GDNF: variants seen among roughly 807,000 people sequenced by gnomAD.
GDNF encodes the protein glial cell derived neurotrophic factor, also known as glial cell line-derived neurotrophic factor.
GDNF carries 5 observed loss-of-function variants against 13.7 expected under a neutral mutation model. The observed-to-expected ratio is 0.36, with a 90% CI of 0.19 to 0.77. The LOEUF (loss-of-function observed/expected upper bound fraction) is 0.77, where lower values mean the gene tolerates loss of function less well. GDNF is among the 30% of genes least tolerant of loss of function. The probability of loss-of-function intolerance (pLI) is 0.51; values close to 1 mark genes in which losing one functional copy is unlikely to be tolerated. For missense variants in GDNF, 246 were observed against 274.3 expected, an observed-to-expected ratio of 0.90 and a Z score of 0.73; for synonymous variants, 122 against 112.5, an observed-to-expected ratio of 1.08 and a Z score of -0.53.
intron 2 of GDNF, among the ~76,000 whole-genome samples, chr5:37,825,093 CT>C (rs1184730333): frequency 6.6e-6 from 1 of 152,156 alleles, no homozygotes; most frequent in Non-Finnish European, 1.5e-5. Flanking sequence ...AAAATGCCAT[CT>C]TATTTACCAT....
At position 37,834,691 on chromosome 5, in the gene GDNF, G is replaced by A. The variant is rs1480928476; in HGVS notation, c.106C>T (p.Arg36Cys). The change falls in exon 2 of 3, where the codon CGC (arginine) becomes TGC (cysteine). Residue 36 changes from arginine (R) to cysteine (C), a missense_variant. Arg to Cys is a radical substitution (Grantham distance 180). Coordinates refer to ENST00000326524, the MANE Select transcript of GDNF (RefSeq NM_000514.4). ...KRPPEAPAED[R>C]SLGRRRAPFA... Reference sequence around the variant, plus strand: ...GGCGCGCGGCGGCGGCCGAGGGAGCGGTCTTCGGCGGGCGCCTCGGGAGGC... The same window carrying A: ...GGCGCGCGGCGGCGGCCGAGGGAGCAGTCTTCGGCGGGCGCCTCGGGAGGC... 7 of 1,608,724 alleles carry A rather than the reference G, an allele frequency of 4.4e-6. No individual in the cohort carries two copies. Among genetic ancestry groups the A allele is most frequent in the African/African-American group, 1.3e-5 (1 of 74,584 alleles).
intron 2 of GDNF, among the ~76,000 whole-genome samples, chr5:37,827,207 T>TAA (rs1322704995): frequency 2.6e-5 from 4 of 151,530 alleles, no homozygotes; most frequent in African/African-American, 9.7e-5. Flanking sequence ...GTCCTGGGTT[T>TAA]TAAAAAAAAA....
In GDNF at chr5:37,815,529, TTCC is replaced by T; in HGVS notation, c.*119_*121del. On this transcript the variant is annotated 3_prime_UTR_variant, in exon 3 of 3. Transcript: ENST00000326524. The surrounding 1 kb of genome is among the most constrained non-coding windows in gnomAD (Gnocchi z 5.0). ...CCTCCTCCTCCTCCTCCTCTTCTTCTTCCTCCTCCTCCGCCTCCTTGGTCCTCA... is the reference window on the plus strand; with the variant it reads ...CCTCCTCCTCCTCCTCCTCTTCTTCTTCCTCCTCCGCCTCCTTGGTCCTCA... 3.7e-6 allele frequency: 3 copies of T among 808,368 alleles called. No individual in the cohort carries two copies. The highest frequency in any genetic ancestry group is 6.1e-6 in the Non-Finnish European group (3 of 490,758). 50.1% of individuals were successfully genotyped at this position (808,368 alleles called of 1,614,324 possible). A position where few individuals can be genotyped will look rare whatever the true frequency, so the allele number is the denominator to read the frequency against.
chr5:37,813,002 T>G lies in GDNF; in HGVS notation c.*2649A>C, dbSNP rs1488973628. ...GCAGGGACTCTCCATGGGGAGTTGT[T>G]GGGGGGGGTCACTGAGGTTGAAGCC... On this transcript the variant is annotated 3_prime_UTR_variant, in exon 3 of 3. Transcript: ENST00000326524. The G allele has an allele frequency of 6.6e-6, 1 of 151,812 alleles. No homozygotes were observed. Among genetic ancestry groups the G allele is most frequent in the African/African-American group, 2.4e-5 (1 of 41,274 alleles). The allele number at this position is 151,812 out of a possible 1,614,324, so 9.4% of individuals were successfully genotyped here.
At position 37,839,920 on chromosome 5, in the gene GDNF, C is replaced by G. The variant is rs1219403312; in HGVS notation, c.-440G>C. ...CCTCTGGGCGCACTGCCTGGGAGCACGAGACTGGTTTGTCTGATGCTGCTG... is the reference window on the plus strand; with the variant it reads ...CCTCTGGGCGCACTGCCTGGGAGCAGGAGACTGGTTTGTCTGATGCTGCTG... On this transcript the variant is annotated 5_prime_UTR_variant, in exon 1 of 3. Transcript: ENST00000326524. This position sits in a 1 kb window ranked among gnomAD's most constrained non-coding sequence, Gnocchi z 5.5. 1 of 152,366 alleles carries G rather than the reference C, an allele frequency of 6.6e-6. No homozygotes were observed. The highest frequency in any genetic ancestry group is 2.1e-4 in the South Asian group (1 of 4,836). 9.4% of individuals were successfully genotyped at this position (152,366 alleles called of 1,614,324 possible). A position where few individuals can be genotyped will look rare whatever the true frequency, so the allele number is the denominator to read the frequency against.
At position 37,838,555 on chromosome 5, in the gene GDNF, C is replaced by T. The variant is rs1750788670; in HGVS notation, c.-27+952G>A. 6.6e-6 allele frequency among the ~76,000 whole-genome samples: 1 copy of T among 152,206 alleles called. No homozygotes were observed. The highest frequency in any genetic ancestry group is 2.4e-5 in the African/African-American group (1 of 41,452). ...GGTCGCGAGCTCTGGGATGGGTAAG[C>T]CCCCCGGGGGCGCGCACATGGGTCC... On this transcript the variant is annotated intron_variant, in intron 1 of 2. Transcript: ENST00000326524. The surrounding 1 kb of genome is among the most constrained non-coding windows in gnomAD (Gnocchi z 4.1).
chr5:37,835,741 C>T, intron 1 of GDNF: 1 of 1,188,112 alleles, frequency 8.4e-7, no homozygotes, highest in Non-Finnish European at 1.2e-6. Context: ...AGATTCTGGC[C>T]CTAATCCCTT....
rs1749799818 is a variant in GDNF at position 37,813,545 on chromosome 5, C to T, written c.*2106G>A. 1 of 150,616 alleles carries T rather than the reference C, an allele frequency of 6.6e-6. No individual in the cohort carries two copies. Among genetic ancestry groups the T allele is most frequent in the African/African-American group, 2.5e-5 (1 of 40,644 alleles). 9.3% of individuals were successfully genotyped at this position (150,616 alleles called of 1,614,324 possible). On this transcript the variant is annotated 3_prime_UTR_variant, in exon 3 of 3. Coordinates refer to ENST00000326524, the MANE Select transcript of GDNF (RefSeq NM_000514.4). ...GTGGCTGTTCCCGCCCCTATGCTTC[C>T]TCCTGCTCCAACCTCTTTTTTTTTT...
chr5:37,833,298 G>C (rs915162187), intron 2 of GDNF, among the ~76,000 whole-genome samples: 4 of 152,100 alleles, frequency 2.6e-5, no homozygotes, highest in Non-Finnish European at 5.9e-5. Flanking sequence ...AGTTTCTGTT[G>C]GAGAAACGTT....
intron 1 of GDNF, among the ~76,000 whole-genome samples, chr5:37,836,378 G>T (rs1157884815): frequency 2.0e-5 from 3 of 151,934 alleles, no homozygotes; most frequent in South Asian, 2.1e-4. Flanking sequence ...CCTTTAATTC[G>T]GCCGCCACCT....
At chr5:37,830,954 C>T (rs1211260506) in intron 2 of GDNF, among the ~76,000 whole-genome samples, 1 of 152,112 alleles carries the variant, frequency 6.6e-6, no homozygotes, top group African/African-American at 2.4e-5. Flanking sequence ...GGGATGTGCC[C>T]CCCAGGGCAG....
chr5:37,834,123 G>A (rs1316534765), intron 2 of GDNF, among the ~76,000 whole-genome samples: 1 of 152,218 alleles, frequency 6.6e-6, no homozygotes, highest in South Asian at 2.1e-4. Context: ...TTACCCAGAC[G>A]CTTGTTCTGG....
Position 37,812,846 on chromosome 5 carries a change from A to G in GDNF, c.*2805T>C, listed in dbSNP as rs1251209677. 1.3e-5 allele frequency: 2 copies of G among 152,216 alleles called. No homozygotes were observed. Among genetic ancestry groups the G allele is most frequent in the African/African-American group, 4.8e-5 (2 of 41,456 alleles). 9.4% of individuals were successfully genotyped at this position (152,216 alleles called of 1,614,324 possible). On this transcript the variant is annotated 3_prime_UTR_variant, in exon 3 of 3. Transcript: ENST00000326524. ...GTATCAGATGGTGATCGCAATGATAAAGAAAAATCACAAACTTTACCCTTT... is the reference window on the plus strand; with the variant it reads ...GTATCAGATGGTGATCGCAATGATAGAGAAAAATCACAAACTTTACCCTTT...
At position 37,827,017 on chromosome 5, in the gene GDNF, C is replaced by T. The variant is rs532690305; in HGVS notation, c.151+7629G>A. Among the ~76,000 whole-genome samples, 4 of 152,252 alleles carry T rather than the reference C, an allele frequency of 2.6e-5. No homozygotes were observed. The East Asian group carries it at 7.7e-4, about 29-fold the overall frequency. Reference sequence around the variant, plus strand: ...TGAATATGATATTCCAAGGATGTTTCCCTACATCTAATCATGTGGAAATAA... The same window carrying T: ...TGAATATGATATTCCAAGGATGTTTTCCTACATCTAATCATGTGGAAATAA... On this transcript the variant is annotated intron_variant, in intron 2 of 2. Coordinates refer to ENST00000326524, the MANE Select transcript of GDNF (RefSeq NM_000514.4).
intron 1 of GDNF, 26 bp from the exon 2 acceptor site, chr5:37,834,848 G>C (rs762061618): frequency 1.2e-6 from 2 of 1,607,820 alleles, no homozygotes; most frequent in Admixed American, 1.7e-5. Flanking sequence ...GGAGGTGGGG[G>C]AGAGAACCGC....
chr5:37,817,642 CATATGAT>C (rs779093033), intron 2 of GDNF, among the ~76,000 whole-genome samples: 106 of 149,926 alleles, frequency 7.1e-4, no homozygotes, highest in Non-Finnish European at 1.3e-3. Context: ...ATATATAAAA[CATATGAT>C]ATATAATAAT....
chr5:37,815,517 CTCCTCTTCTTCT>C lies in GDNF; in HGVS notation c.*122_*133del. 1.3e-6 allele frequency: 1 copy of C among 798,098 alleles called. No homozygotes were observed. Among genetic ancestry groups the C allele is most frequent in the Non-Finnish European group, 2.1e-6 (1 of 468,768 alleles). The allele number at this position is 798,098 out of a possible 1,614,324, so 49.4% of individuals were successfully genotyped here. On this transcript the variant is annotated 3_prime_UTR_variant, in exon 3 of 3. Coordinates refer to ENST00000326524, the MANE Select transcript of GDNF (RefSeq NM_000514.4). This position sits in a 1 kb window ranked among gnomAD's most constrained non-coding sequence, Gnocchi z 5.0. Reference sequence around the variant, plus strand: ...CCTCCTCCTCCTCCTCCTCCTCCTCCTCCTCTTCTTCTTCCTCCTCCTCCGCCTCCTTGGTCC... The same window carrying C: ...CCTCCTCCTCCTCCTCCTCCTCCTCCTCCTCCTCCTCCGCCTCCTTGGTCC...
chr5:37,836,508 C>CT (rs993316723), intron 1 of GDNF, among the ~76,000 whole-genome samples: 1 of 152,176 alleles, frequency 6.6e-6, no homozygotes, highest in African/African-American at 2.4e-5. Context: ...CAGCACCGAG[C>CT]GCCTCTTGCC....
chr5:37,814,399 A>G lies in GDNF; in HGVS notation c.*1252T>C, dbSNP rs1749836819. 6.6e-6 allele frequency: 1 copy of G among 152,366 alleles called. No homozygotes were observed. The highest frequency in any genetic ancestry group is 6.5e-5 in the Admixed American group (1 of 15,288). 9.4% of individuals were successfully genotyped at this position (152,366 alleles called of 1,614,324 possible). A position where few individuals can be genotyped will look rare whatever the true frequency, so the allele number is the denominator to read the frequency against. ...GTGGTCTCTGCACGCTGCTCCAGGA[A>G]AGGGGGCTTGCCTGAGATGCTCCAC... On this transcript the variant is annotated 3_prime_UTR_variant, in exon 3 of 3. Coordinates refer to ENST00000326524, the MANE Select transcript of GDNF (RefSeq NM_000514.4).
Sources: allele counts gnomAD v4.1 joint callset (sites outside exome capture counted in the v4.1 genomes callset), GRCh38; gene constraint gnomAD v4.1.1; non-coding constraint Gnocchi (gnomAD v3.1); transcripts MANE v1.5; gene names NCBI Gene and HGNC (gene_info 2026-07-23, HGNC 2026-07-21).